Variants in GAGE1 observed in about 807,000 individuals in gnomAD.
GAGE1 encodes the protein G antigen 4.
In GAGE1, 5 loss-of-function variants were observed where a neutral mutation model predicts 5.0. The observed-to-expected ratio is 1.00, with a 90% confidence interval of 0.52 to 2.11. GAGE1 has a LOEUF of 2.11. GAGE1 is among the 30% of genes most tolerant of loss of function. The pLI is 0.01. For synonymous variants in GAGE1, 6 were observed against 14.8 expected (o/e 0.40, Z 1.37); for missense variants, 9 against 38.9 (o/e 0.23, Z 2.04).
chrX:49,605,879 G>A (rs1557132130), intron 4 of GAGE1, 114 bp from the exon 5 acceptor site: 2 of 461,821 alleles, frequency 4.3e-6, no homozygotes, highest in East Asian at 1.6e-4. Flanking sequence ...CTGTACTCCA[G>A]CCTGGGCAAC....
At chrX:49,605,941 T>TAAG (rs2066656183) in intron 4 of GAGE1, 52 bp from the exon 5 acceptor site, 5 of 730,106 alleles carry the variant, frequency 6.8e-6, no homozygotes, top group Non-Finnish European at 3.7e-6. Context: ...ATAATAATAA[T>TAAG]AATAATAATC....
intron 4 of GAGE1, chrX:49,604,915 C>A: frequency 2.8e-6 from 1 of 352,277 alleles, no homozygotes; most frequent in Non-Finnish European, 4.9e-6. Flanking sequence ...TAAAGCAGTC[C>A]TCCCACCTCA....
intron 4 of GAGE1, chrX:49,604,866 G>T: frequency 3.8e-6 from 1 of 261,814 alleles, no homozygotes; most frequent in South Asian, 3.8e-5. Flanking sequence ...GGAGTGCAGT[G>T]GTGTACTTTC....
chrX:49,605,612 C>G (rs1473168168), intron 4 of GAGE1, among the ~76,000 whole-genome samples: 1 of 111,750 alleles, frequency 8.9e-6, no homozygotes, highest in African/African-American at 3.3e-5. Context: ...TTAGGGCCAT[C>G]TAAATAATCT....
At chrX:49,605,715 C>A (rs782617406) in intron 4 of GAGE1, among the ~76,000 whole-genome samples, 17 of 110,699 alleles carry the variant, frequency 1.5e-4, no homozygotes, top group African/African-American at 5.2e-4. Flanking sequence ...TGTATACCAT[C>A]GTGGCTAACA....
At chrX:49,604,228 G>T (rs2066635925) in intron 4 of GAGE1, among the ~76,000 whole-genome samples, 1 of 112,562 alleles carries the variant, frequency 8.9e-6, no homozygotes, top group Non-Finnish European at 1.9e-5. Context: ...AAGGTTATTT[G>T]AAATGTAGTT....
At position 49,606,014 on chromosome X, in the gene GAGE1, A is replaced by T; in HGVS notation, c.353A>T (p.Ter118LeuextTer5). 9.3e-7 allele frequency: 1 copy of T among 1,071,485 alleles called. No individual in the cohort carries two copies. Among genetic ancestry groups the T allele is most frequent in the East Asian group, 3.5e-5 (1 of 28,646 alleles). The allele number at this position is 1,071,485 out of a possible 1,213,427, so 88.3% of individuals were successfully genotyped here. ...TCAGGTGAAGGGCAATCACAGTGTT[A>T]AAAGAAGACATGCTGAAATGTTGCA... ...PEEGEGQSQC[*>L] The change falls in exon 5 of 5, where the codon TAA becomes TTA. Residue 118 changes from the stop codon to leucine (L), a stop_lost. Transcript: ENST00000381700.
chrX:49,601,982 A>G (rs2066611770), intron 3 of GAGE1, among the ~76,000 whole-genome samples: 1 of 94,495 alleles, frequency 1.1e-5, no homozygotes, highest in East Asian at 3.5e-4. Context: ...AGCATTATAC[A>G]TGTCCTGTGG....
At chrX:49,602,528 T>A (rs1286530499) in intron 3 of GAGE1, among the ~76,000 whole-genome samples, 1 of 78,395 alleles carries the variant, frequency 1.3e-5, no homozygotes, top group African/African-American at 3.5e-5. Context: ...TCACATCTCT[T>A]CCCTCCGTCT....
chrX:49,606,780 T>C lies in GAGE1; in HGVS notation c.*765T>C, dbSNP rs545309665. 8.9e-6 allele frequency: 1 copy of C among 112,260 alleles called. No homozygotes were observed. Among genetic ancestry groups the C allele is most frequent in the Non-Finnish European group, 1.9e-5 (1 of 53,324 alleles). The allele number at this position is 112,260 out of a possible 1,213,427, so 9.3% of individuals were successfully genotyped here. A position where few individuals can be genotyped will look rare whatever the true frequency, so the allele number is the denominator to read the frequency against. The stretch of plus-strand genomic sequence containing the variant: ...CCTGAGTCATCTTAAAACATGTGAA[T>C]TGAGATTTCTTTGCTACTAAGAAAG... On this transcript the variant is annotated 3_prime_UTR_variant, in exon 5 of 5. Transcript: ENST00000381700.
At chrX:49,604,564 A>T (rs1388571873) in intron 4 of GAGE1, among the ~76,000 whole-genome samples, 1 of 112,147 alleles carries the variant, frequency 8.9e-6, no homozygotes, top group African/African-American at 3.2e-5. Flanking sequence ...ACCATTTTCC[A>T]TTCCGGTTCT....
At chrX:49,602,417 C>G (rs1423599497) in intron 3 of GAGE1, among the ~76,000 whole-genome samples, 2 of 77,234 alleles carry the variant, frequency 2.6e-5, no homozygotes, top group African/African-American at 3.5e-5. Context: ...TATGTATCTT[C>G]AAGTCATAGC....
At position 49,607,531 on chromosome X, in the gene GAGE1, G is replaced by A. The variant is rs1216345626; in HGVS notation, c.*1516G>A. On this transcript the variant is annotated 3_prime_UTR_variant, in exon 5 of 5. Transcript: ENST00000381700. ...GGCTTTCCCATAATGAGCTTTTCTA[G>A]AATGCTTCTCTCAGATTTGGACCCT... The A allele has an allele frequency of 9.0e-6, 1 of 111,049 alleles. No homozygotes were observed. The highest frequency in any genetic ancestry group is 1.9e-5 in the Non-Finnish European group (1 of 53,084). The allele number at this position is 111,049 out of a possible 1,213,427, so 9.2% of individuals were successfully genotyped here.
At chrX:49,605,684 G>T (rs1297889730) in intron 4 of GAGE1, among the ~76,000 whole-genome samples, 1 of 111,390 alleles carries the variant, frequency 9.0e-6, no homozygotes, top group Admixed American at 9.6e-5. Context: ...GCCAAGGCGG[G>T]TGGATCATGA....
Position 49,607,227 on chromosome X carries a change from C to G in GAGE1, c.*1212C>G, listed in dbSNP as rs368793390. ...AAGCCATCCACTAGCCTCAGCCTCC[C>G]AAAGTGCTGGGATTACAGGAATGAG... On this transcript the variant is annotated 3_prime_UTR_variant, in exon 5 of 5. Transcript: ENST00000381700. 19 of 111,689 alleles carry G rather than the reference C, an allele frequency of 1.7e-4. No individual in the cohort carries two copies. The highest frequency in any genetic ancestry group is 4.6e-3 in the Middle Eastern group (1 of 217). 9.2% of individuals were successfully genotyped at this position (111,689 alleles called of 1,213,427 possible). A position where few individuals can be genotyped will look rare whatever the true frequency, so the allele number is the denominator to read the frequency against.
intron 4 of GAGE1, among the ~76,000 whole-genome samples, chrX:49,604,195 CT>C (rs2066635436): frequency 8.9e-6 from 1 of 112,530 alleles, no homozygotes; most frequent in Non-Finnish European, 1.9e-5. Flanking sequence ...AATACTGCCT[CT>C]TTAGTAAAGA....
intron 4 of GAGE1, among the ~76,000 whole-genome samples, chrX:49,604,821 T>C (rs1309234156): frequency 1.8e-5 from 2 of 111,871 alleles, no homozygotes; most frequent in East Asian, 2.8e-4. Flanking sequence ...TTTGTTTGTT[T>C]GTTTGCGACG....
Position 49,608,354 on chromosome X carries a change from G to A in GAGE1, c.*2339G>A, listed in dbSNP as rs1463006870. 2.7e-5 allele frequency: 3 copies of A among 111,949 alleles called. No individual in the cohort carries two copies. Among genetic ancestry groups the A allele is most frequent in the Middle Eastern group, 4.2e-3 (1 of 239 alleles). 9.2% of individuals were successfully genotyped at this position (111,949 alleles called of 1,213,427 possible). On this transcript the variant is annotated 3_prime_UTR_variant, in exon 5 of 5. Coordinates refer to ENST00000381700, the MANE Select transcript of GAGE1 (RefSeq NM_001040663.4). Reference sequence around the variant, plus strand: ...GAGCCTTGAACATAAAGGTGTTTAAGTTGTTGCTCAAAATATGGAAAGAAT... The same window carrying A: ...GAGCCTTGAACATAAAGGTGTTTAAATTGTTGCTCAAAATATGGAAAGAAT...
chrX:49,602,727 C>G (rs60921948), intron 3 of GAGE1, among the ~76,000 whole-genome samples: 5 of 77,974 alleles, frequency 6.4e-5, no homozygotes, highest in Admixed American at 2.8e-4. Context: ...GCACAAAGAT[C>G]AAAATCAGGA....
Sources: gnomAD v4.1 joint callset for allele counts (sites outside exome capture counted in the v4.1 genomes callset) on GRCh38, gnomAD v4.1.1 for gene constraint, MANE v1.5 for transcripts, NCBI Gene and HGNC (gene_info 2026-07-23, HGNC 2026-07-21) for gene names.